CFAP221: variants seen among roughly 807,000 people sequenced by gnomAD.
CFAP221 encodes cilia and flagella associated protein 221.
Under a neutral mutation model 113.1 loss-of-function variants are expected in CFAP221, and 97 were observed. The observed-to-expected ratio is 0.86, with a 90% CI of 0.73 to 1.02. The LOEUF (loss-of-function observed/expected upper bound fraction) is 1.02. Ranked by LOEUF, CFAP221 falls within the 50% of genes least tolerant of loss-of-function variation. CFAP221 has a pLI of 0.00. For synonymous variants in CFAP221, 331 were observed against 354.4 expected, an observed-to-expected ratio of 0.93 and a Z score of 0.74; for missense variants, 1,025 against 1,013.4, an observed-to-expected ratio of 1.01 and a Z score of -0.16.
chr2:119,655,556 T>G (rs1688378288), intron 23 of CFAP221, among the ~76,000 whole-genome samples: 1 of 152,228 alleles, frequency 6.6e-6, no homozygotes, highest in South Asian at 2.1e-4. Flanking sequence ...ATTGGATTTA[T>G]ATTGCCCAAG....
intron 14 of CFAP221, among the ~76,000 whole-genome samples, chr2:119,623,311 G>A (rs956871744): frequency 1.1e-4 from 16 of 152,228 alleles, no homozygotes; most frequent in African/African-American, 3.6e-4. Flanking sequence ...ACTTACAAGG[G>A]ATATGAAGGA....
chr2:119,585,931 G>A (rs1195322157), intron 6 of CFAP221, among the ~76,000 whole-genome samples: 4 of 152,178 alleles, frequency 2.6e-5, no homozygotes, highest in Non-Finnish European at 5.9e-5. Context: ...GGTTCGGATG[G>A]GTCCTGCCCA....
At chr2:119,614,463 G>T (rs536333096) in intron 13 of CFAP221, among the ~76,000 whole-genome samples, 4 of 152,154 alleles carry the variant, frequency 2.6e-5, no homozygotes, top group South Asian at 4.1e-4. Context: ...CCACATGGCT[G>T]GGGAGGCCTC....
At chr2:119,563,009 C>T (rs2104546140) in intron 6 of CFAP221, among the ~76,000 whole-genome samples, 1 of 152,202 alleles carries the variant, frequency 6.6e-6, no homozygotes, top group African/African-American at 2.4e-5. Context: ...TAGAAGTTAG[C>T]CAGGTATGGT....
intron 7 of CFAP221, among the ~76,000 whole-genome samples, chr2:119,588,795 G>A (rs1683389478): frequency 1.3e-5 from 2 of 152,154 alleles, no homozygotes; most frequent in South Asian, 4.1e-4. Flanking sequence ...TTGAGAGAGA[G>A]GGGAGTGCTA....
In CFAP221 at chr2:119,601,327, A is replaced by C. The variant is rs944145294; in HGVS notation, c.741A>C (p.Gln247His). ...TATGGATTTCGCAGTTCAACTCTCA[A>C]CCATACGAATGTGTCTTCACCGGAA... Reference protein sequence around the residue: ...MQLWISQFNSQPYECVFTGTC... With the variant: ...MQLWISQFNSHPYECVFTGTC... The change falls in exon 8 of 24, where the codon CAA (glutamine) becomes CAC (histidine). Residue 247 changes from glutamine to histidine, a missense_variant. By Grantham distance (24) the Gln-to-His change is conservative. Coordinates refer to ENST00000413369, the MANE Select transcript of CFAP221 (RefSeq NM_001271049.2). The C allele has an allele frequency of 1.3e-6, 2 of 1,535,456 alleles. No homozygotes were observed. The highest frequency in any genetic ancestry group is 4.9e-5 in the East Asian group (2 of 40,912).
intron 19 of CFAP221, among the ~76,000 whole-genome samples, chr2:119,637,817 C>G (rs572131923): frequency 6.6e-6 from 1 of 152,326 alleles, no homozygotes; most frequent in East Asian, 1.9e-4. Flanking sequence ...CATCGAATGT[C>G]ATCCTCTTTT....
At chr2:119,598,563 A>T (rs539736679) in intron 7 of CFAP221, among the ~76,000 whole-genome samples, 10 of 152,192 alleles carry the variant, frequency 6.6e-5, no homozygotes, top group Non-Finnish European at 1.3e-4. Flanking sequence ...AATTGACCAG[A>T]TGAAATTGGC....
chr2:119,659,834 C>T (rs1688555671), downstream of CFAP221, among the ~76,000 whole-genome samples: 6 of 152,224 alleles, frequency 3.9e-5, no homozygotes, highest in South Asian at 1.2e-3. Context: ...CTGTACTGAC[C>T]TCTGAGGCAA....
chr2:119,648,104 G>A (rs1558671160), intron 22 of CFAP221, among the ~76,000 whole-genome samples: 1 of 152,152 alleles, frequency 6.6e-6, no homozygotes, highest in Non-Finnish European at 1.5e-5. Context: ...ATTACTACAT[G>A]CCCAATGTTT....
chr2:119,606,064 T>C (rs1309284129), intron 11 of CFAP221, among the ~76,000 whole-genome samples: 1 of 152,068 alleles, frequency 6.6e-6, no homozygotes, highest in Non-Finnish European at 1.5e-5. Context: ...TATTTCAGTG[T>C]CACATCATGG....
rs535750524 is a variant in CFAP221, at chr2:119,586,202, TATC to T, written c.528-915_528-913del. 2.6e-3 allele frequency among the ~76,000 whole-genome samples: 396 copies of T among 152,032 alleles called. 2 individuals carry two copies. The highest frequency in any genetic ancestry group is 9.0e-3 in the African/African-American group (373 of 41,454). On this transcript the variant is annotated intron_variant, in intron 6 of 23. Transcript: ENST00000413369. ...TAACGAGAAGGGAGGGGTGCAAAAA[TATC>T]AGGAATGCAGGGAGTGGCTGGGTCA...
chr2:119,574,896 C>G (rs1209628998), intron 6 of CFAP221, among the ~76,000 whole-genome samples: 1 of 152,170 alleles, frequency 6.6e-6, no homozygotes, highest in Non-Finnish European at 1.5e-5. Flanking sequence ...ACTGCAATTT[C>G]AAAACCACAA....
intron 11 of CFAP221, among the ~76,000 whole-genome samples, chr2:119,607,479 C>T (rs941758588): frequency 1.3e-5 from 2 of 152,154 alleles, no homozygotes; most frequent in Admixed American, 6.5e-5. Flanking sequence ...TGCTGGGTTT[C>T]GTGATGAATA....
chr2:119,595,755 G>A (rs1025486700), intron 7 of CFAP221, among the ~76,000 whole-genome samples: 1 of 152,138 alleles, frequency 6.6e-6, no homozygotes, highest in South Asian at 2.1e-4. Flanking sequence ...ATGGTGGTGA[G>A]AAAAATAAGA....
At chr2:119,657,449 T>G (rs1688481086), downstream of CFAP221, among the ~76,000 whole-genome samples, 2 of 152,132 alleles carry the variant, frequency 1.3e-5, no homozygotes, top group African/African-American at 2.4e-5. Context: ...AGCTCAAACA[T>G]GAAAGTTGCC....
intron 19 of CFAP221, among the ~76,000 whole-genome samples, chr2:119,637,977 A>G (rs1436762007): frequency 6.6e-6 from 1 of 152,222 alleles, no homozygotes; most frequent in Non-Finnish European, 1.5e-5. Flanking sequence ...TTAAGCTGTG[A>G]TTTCGGTTGT....
At chr2:119,628,270 T>TTC (rs143060958) in intron 16 of CFAP221, among the ~76,000 whole-genome samples, 129,723 of 142,440 alleles carry the variant, frequency 0.91, 59,446 homozygotes, top group South Asian at 0.95. Flanking sequence ...CACAACCCAC[T>TTC]TCTCTCTCTC....
intron 14 of CFAP221, among the ~76,000 whole-genome samples, chr2:119,619,177 TTCC>T (rs1685722205): frequency 6.6e-6 from 1 of 152,202 alleles, no homozygotes; most frequent in Non-Finnish European, 1.5e-5. Flanking sequence ...GACTTAAACA[TTCC>T]TGCCTGCTGG....
Sources: allele counts gnomAD v4.1 joint callset (sites outside exome capture counted in the v4.1 genomes callset), GRCh38; gene constraint gnomAD v4.1.1; transcripts MANE v1.5; gene names NCBI Gene and HGNC (gene_info 2026-07-23, HGNC 2026-07-21).